Variants in ESR1 observed in about 807,000 individuals in gnomAD.
The protein encoded by ESR1 is estrogen receptor 1.
ESR1 carries 12 observed loss-of-function variants against 52.7 expected under a neutral mutation model. The observed-to-expected ratio is 0.23, with a 90% CI of 0.15 to 0.37. The LOEUF is 0.37. ESR1 is among the 10% of genes least tolerant of loss of function. The probability of loss-of-function intolerance (pLI) is 1.00; values close to 1 mark genes in which losing one functional copy is unlikely to be tolerated. For synonymous variants in ESR1, 305 were observed against 316.8 expected (o/e 0.96, Z 0.39); for missense variants, 584 against 779.7 (o/e 0.75, Z 2.99).
chr6:152,081,993 C>A (rs9479216), intron 6 of ESR1, among the ~76,000 whole-genome samples: 32,078 of 151,964 alleles, frequency 0.21, 4,786 homozygotes, highest in African/African-American at 0.41. Flanking sequence ...CCAAAAATGT[C>A]CAGGACCAGA....
intron 1 of ESR1, among the ~76,000 whole-genome samples, chr6:151,700,522 T>A (rs965297866): frequency 6.6e-6 from 1 of 152,164 alleles, no homozygotes; most frequent in Non-Finnish European, 1.5e-5. Context: ...ATTTTTTTCT[T>A]CTATTTGATA....
At chr6:151,841,406 C>G (rs1288685757) in intron 1 of ESR1, among the ~76,000 whole-genome samples, 2 of 152,188 alleles carry the variant, frequency 1.3e-5, no homozygotes, top group Non-Finnish European at 1.5e-5. Flanking sequence ...TAAGAGTCTG[C>G]TTTGTCAGGT....
intron 4 of ESR1, among the ~76,000 whole-genome samples, chr6:151,968,302 T>TAAAACCATA (rs1315737391): frequency 6.6e-6 from 1 of 152,164 alleles, no homozygotes; most frequent in Non-Finnish European, 1.5e-5. Context: ...ATGTAAGACC[T>TAAAACCATA]AAAACCATAA....
intron 4 of ESR1, among the ~76,000 whole-genome samples, chr6:151,986,275 A>G (rs2040479071): frequency 6.6e-6 from 1 of 152,184 alleles, no homozygotes; most frequent in Non-Finnish European, 1.5e-5. Flanking sequence ...CGATATTTGT[A>G]AAAAATCAAA....
upstream of ESR1, chr6:151,807,355 C>T (rs1778032906): frequency 4.9e-6 from 1 of 202,052 alleles, no homozygotes; most frequent in Non-Finnish European, 1.0e-5. Context: ...GCACGGGGCA[C>T]ATAAGGCAGC....
At chr6:151,758,971 C>T (rs1211512045) in intron 2 of ESR1, among the ~76,000 whole-genome samples, 5 of 151,818 alleles carry the variant, frequency 3.3e-5, no homozygotes, top group African/African-American at 9.7e-5. Flanking sequence ...AAATCTACTA[C>T]ATGGTCTAGA....
intron 3 of ESR1, among the ~76,000 whole-genome samples, chr6:151,933,987 G>A (rs1212119281): frequency 6.6e-6 from 1 of 152,114 alleles, no homozygotes; most frequent in African/African-American, 2.4e-5. Context: ...CCCTATCATT[G>A]GCACTCCTCT....
chr6:151,916,709 C>T (rs932526811), intron 3 of ESR1, among the ~76,000 whole-genome samples: 1 of 152,084 alleles, frequency 6.6e-6, no homozygotes, highest in Non-Finnish European at 1.5e-5. Context: ...AACAGTCATG[C>T]TTGCTAAACC....
At chr6:151,824,140 C>A (rs1369882008) in intron 1 of ESR1, among the ~76,000 whole-genome samples, 1 of 152,116 alleles carries the variant, frequency 6.6e-6, no homozygotes, top group Non-Finnish European at 1.5e-5. Context: ...CCTGTTGTTT[C>A]CTGACTTTTT....
intron 6 of ESR1, among the ~76,000 whole-genome samples, chr6:152,083,525 C>T (rs776744467): frequency 1.8e-4 from 27 of 152,106 alleles, no homozygotes; most frequent in Non-Finnish European, 3.2e-4. Context: ...TACACAATAC[C>T]ATTCAGGACA....
intron 3 of ESR1, among the ~76,000 whole-genome samples, chr6:151,920,442 A>G (rs1351136855): frequency 6.6e-6 from 1 of 152,112 alleles, no homozygotes; most frequent in Non-Finnish European, 1.5e-5. Context: ...TGGTACATCT[A>G]TCATAACTAA....
intron 1 of ESR1, among the ~76,000 whole-genome samples, chr6:151,809,776 T>G (rs1339047632): frequency 6.6e-6 from 1 of 152,060 alleles, no homozygotes; most frequent in Non-Finnish European, 1.5e-5. Flanking sequence ...AGACAAACAA[T>G]GAACAAAACT....
chr6:152,014,166 G>T lies in ESR1; in HGVS notation c.1235+2372G>T, dbSNP rs562872108. On this transcript the variant is annotated intron_variant, in intron 5 of 7. Transcript: ENST00000206249. ...ATTGTGAGGCTTCCCCAGTCACAAG[G>T]AACTGTGAGTCCATTAAACCTTTTT... is the stretch of plus-strand genomic sequence containing the variant. 1.6e-4 allele frequency among the ~76,000 whole-genome samples: 24 copies of T among 152,236 alleles called. 1 individual carries two copies. The highest frequency in any genetic ancestry group is 6.8e-3 in the Middle Eastern group (2 of 294).
intron 5 of ESR1, among the ~76,000 whole-genome samples, chr6:152,052,014 G>A (rs1015278819): frequency 1.3e-5 from 2 of 152,124 alleles, no homozygotes; most frequent in Non-Finnish European, 2.9e-5. Context: ...AAGAAAATAG[G>A]TTTTATTTGG....
chr6:151,722,669 G>A (rs1175606100), intron 2 of ESR1, among the ~76,000 whole-genome samples: 1 of 152,236 alleles, frequency 6.6e-6, no homozygotes, highest in Non-Finnish European at 1.5e-5. Context: ...TTCATTATCT[G>A]AGCCAGTGCA....
chr6:151,751,122 G>A (rs557738410), intron 2 of ESR1, among the ~76,000 whole-genome samples: 34 of 152,290 alleles, frequency 2.2e-4, no homozygotes, highest in Admixed American at 2.2e-3. Flanking sequence ...ATTTTTGGCT[G>A]AGCCTGACTT....
chr6:151,700,077 G>GAA (rs71681730), intron 1 of ESR1, among the ~76,000 whole-genome samples: 2 of 126,924 alleles, frequency 1.6e-5, no homozygotes, highest in Admixed American at 1.5e-4. Flanking sequence ...GAGGACAAGT[G>GAA]AAAAAAAAAA....
At chr6:151,723,580 C>A (rs540040704) in intron 2 of ESR1, among the ~76,000 whole-genome samples, 1 of 152,120 alleles carries the variant, frequency 6.6e-6, no homozygotes, top group African/African-American at 2.4e-5. Context: ...AACAAAACAG[C>A]GCTTGTGGCC....
upstream of ESR1, among the ~76,000 whole-genome samples, chr6:151,800,463 A>G (rs1472967471): frequency 6.6e-6 from 1 of 152,092 alleles, no homozygotes; most frequent in African/African-American, 2.4e-5. Flanking sequence ...AAGCCCTAAC[A>G]CTCAATGTGA....
Sources: gnomAD v4.1 joint callset for allele counts (sites outside exome capture counted in the v4.1 genomes callset) on GRCh38, gnomAD v4.1.1 for gene constraint, MANE v1.5 for transcripts, NCBI Gene and HGNC (gene_info 2026-07-23, HGNC 2026-07-21) for gene names.